The following KERA variants were observed in gnomAD, a reference collection of about 807,000 sequenced individuals.
The protein encoded by KERA is keratocan.
In KERA, 25 loss-of-function variants were observed where a neutral mutation model predicts 26.4. The ratio of observed to expected loss-of-function variants is 0.95; its 90% CI spans 0.69 to 1.32. The LOEUF (loss-of-function observed/expected upper bound fraction) is 1.32, where lower values mean the gene tolerates loss of function less well. Among genes scored for constraint, KERA ranks in the 40% most tolerant of loss-of-function variants. KERA has a pLI of 0.00. For missense variants in KERA, 434 were observed against 408.9 expected, an observed-to-expected ratio of 1.06 and a Z score of -0.53; for synonymous variants, 167 against 146.1, an observed-to-expected ratio of 1.14 and a Z score of -1.03.
chr12:91,051,106 G>A lies in KERA; in HGVS notation c.*240C>T, dbSNP rs1878853374. The A allele has an allele frequency of 3.2e-5, 15 of 468,748 alleles. No homozygotes were observed. The highest frequency in any genetic ancestry group is 1.7e-4 in the Admixed American group (5 of 30,154). 29.0% of individuals were successfully genotyped at this position (468,748 alleles called of 1,614,324 possible). A position where few individuals can be genotyped will look rare whatever the true frequency, so the allele number is the denominator to read the frequency against. On this transcript the variant is annotated 3_prime_UTR_variant, in exon 3 of 3. Transcript: ENST00000266719. ...GAGACCAAAATAAAACTATCTTTGA[G>A]TTGATAAACTATCTTAACTCTGTGT... is the stretch of plus-strand genomic sequence containing the variant.
chr12:91,051,580 A>G, intron 2 of KERA, 62 bp from the exon 3 acceptor site: 8 of 1,215,238 alleles, frequency 6.6e-6, no homozygotes, highest in Non-Finnish European at 9.7e-6. Context: ...CAGTGGGAAG[A>G]CCAAAAAACT....
rs1467879210 is a variant in KERA, at chr12:91,055,972, T to A, written c.310A>T (p.Lys104Ter). The A allele has an allele frequency of 4.3e-6, 7 of 1,610,984 alleles. No individual in the cohort carries two copies. The highest frequency in any genetic ancestry group is 1.3e-5 in the African/African-American group (1 of 74,648). ...ATQLRWINLN[K>*]NKITNYGIEK... is the part of the protein sequence containing the mutation. Reference sequence around the variant, plus strand: ...ATTCCGTAGTTGGTTATTTTGTTCTTGTTTAGATTTATCCATCTTAGCTGG... The same window carrying A: ...ATTCCGTAGTTGGTTATTTTGTTCTAGTTTAGATTTATCCATCTTAGCTGG... The change falls in exon 2 of 3, where the codon AAG (lysine) becomes TAG (stop). Residue 104 changes from lysine (K) to a stop codon, truncating the protein, a stop_gained. Transcript: ENST00000266719. LOFTEE classifies it high-confidence loss of function.
At position 91,056,081 on chromosome 12, in the gene KERA, A is replaced by G. The variant is rs755097045; in HGVS notation, c.201T>C (p.Pro67=). Residue 67 remains proline, a synonymous_variant, in exon 2 of 3, where the codon CCT becomes CCC. Transcript: ENST00000266719. The part of the protein sequence containing the change: ...YCENRGLKEI[P]AIPSRIWYLY... ...GATACCAAATTCTTGAAGGAATAGC[A>G]GGAATTTCTTTGAGACCTCTATTTT... The G allele has an allele frequency of 3.7e-6, 6 of 1,608,804 alleles. No individual in the cohort carries two copies. Among genetic ancestry groups the G allele is most frequent in the African/African-American group, 1.3e-5 (1 of 74,566 alleles).
At chr12:91,054,215 A>G (rs1359130210) in intron 2 of KERA, among the ~76,000 whole-genome samples, 1 of 151,426 alleles carries the variant, frequency 6.6e-6, no homozygotes, top group East Asian at 1.9e-4. Flanking sequence ...TAAATAACTG[A>G]GCAGTTCCCA....
chr12:91,051,772 T>C (rs1920771), intron 2 of KERA, among the ~76,000 whole-genome samples: 16,759 of 151,638 alleles, frequency 0.11, 1,900 homozygotes, highest in African/African-American at 0.29. Flanking sequence ...GGAAATACTG[T>C]TAAGATCTGT....
rs1432401037 is a variant in KERA, at chr12:91,051,496, A to G, written c.909T>C (p.Cys303=). ...KIKSVNVSVI[C]PSPSMLPAER... ...CTGCAGGCAGCATGGATGGGCTGGG[A>G]CATATTACAGAGACATTCACACCTA... The change falls in exon 3 of 3, where the codon TGT becomes TGC. Residue 303 remains cysteine (C), a synonymous_variant. Coordinates refer to ENST00000266719, the MANE Select transcript of KERA (RefSeq NM_007035.4). 1.9e-6 allele frequency: 3 copies of G among 1,610,052 alleles called. No individual in the cohort carries two copies. Among genetic ancestry groups the G allele is most frequent in the Non-Finnish European group, 2.5e-6 (3 of 1,177,056 alleles).
chr12:91,055,960 T>C lies in KERA; in HGVS notation c.322A>G (p.Thr108Ala), dbSNP rs1215515911. ...GCTCCTTTTTCAATTCCGTAGTTGG[T>C]TATTTTGTTCTTGTTTAGATTTATC... is the stretch of plus-strand genomic sequence containing the variant. ...RWINLNKNKI[T>A]NYGIEKGALS... The change falls in exon 2 of 3, where the codon ACC becomes GCC. Residue 108 changes from threonine to alanine, a missense_variant. Coordinates refer to ENST00000266719, the MANE Select transcript of KERA (RefSeq NM_007035.4). The C allele has an allele frequency of 6.2e-6, 10 of 1,610,980 alleles. No individual in the cohort carries two copies. Among genetic ancestry groups the C allele is most frequent in the Non-Finnish European group, 7.6e-6 (9 of 1,178,168 alleles).
intron 2 of KERA, among the ~76,000 whole-genome samples, chr12:91,055,091 C>T (rs1878957799): frequency 6.6e-6 from 1 of 150,946 alleles, no homozygotes; most frequent in Non-Finnish European, 1.5e-5. Flanking sequence ...CCCAATGGGG[C>T]AGAAATATTG....
chr12:91,057,045 TAGAG>T (rs1879026740), intron 1 of KERA, among the ~76,000 whole-genome samples: 1 of 150,698 alleles, frequency 6.6e-6, no homozygotes, highest in African/African-American at 2.4e-5. Context: ...TATGTATATA[TAGAG>T]ATAGAGTTTA....
Position 91,055,485 on chromosome 12 carries a change from T to C in KERA, c.797A>G (p.Asp266Gly), listed in dbSNP as rs140037106. The change falls in exon 2 of 3, where the codon GAT becomes GGT. Residue 266 changes from aspartate to glycine, a missense_variant. By Grantham distance (94) the Asp-to-Gly change is moderately conservative (BLOSUM62 -1). Transcript: ENST00000266719. Reference protein sequence around the residue: ...SRGFDVSSILDLQLSHNQLTK... With the variant: ...SRGFDVSSILGLQLSHNQLTK... The stretch of plus-strand genomic sequence containing the variant: ...GAGTTGATTGTGCGACAGTTGAAGA[T>C]CTAGAATTGATGATACATCAAATCC... 46 of 1,610,242 alleles carry C rather than the reference T, an allele frequency of 2.9e-5. No homozygotes were observed. The Middle Eastern group carries it at 8.3e-4, about 29-fold the overall frequency.
At chr12:91,052,599 C>CT (rs1324364401) in intron 2 of KERA, among the ~76,000 whole-genome samples, 4 of 151,460 alleles carry the variant, frequency 2.6e-5, no homozygotes, top group Admixed American at 6.6e-5. Context: ...ATCAGGTTCT[C>CT]TTTTTTTACA....
chr12:91,055,158 C>A (rs1878959896), intron 2 of KERA, among the ~76,000 whole-genome samples: 2 of 151,046 alleles, frequency 1.3e-5, no homozygotes, highest in South Asian at 2.1e-4. Context: ...GGATAATAGT[C>A]CTCTGTAGAT....
In KERA at chr12:91,051,483, T is replaced by A; in HGVS notation, c.922A>T (p.Met308Leu). ...NVSVICPSPS[M>L]LPAERDSFSY... ...AAGGAATCTCGTTCTGCAGGCAGCA[T>A]GGATGGGCTGGGACATATTACAGAG... The change falls in exon 3 of 3, where the codon ATG becomes TTG. Residue 308 changes from methionine (M) to leucine (L), a missense_variant. By Grantham distance (15) the Met-to-Leu change is conservative (BLOSUM62 2). Coordinates refer to ENST00000266719, the MANE Select transcript of KERA (RefSeq NM_007035.4). The A allele has an allele frequency of 1.9e-6, 3 of 1,610,626 alleles. No individual in the cohort carries two copies. The highest frequency in any genetic ancestry group is 2.5e-6 in the Non-Finnish European group (3 of 1,177,586).
Position 91,051,181 on chromosome 12 carries a change from G to A in KERA, c.*165C>T. 7.9e-6 allele frequency: 5 copies of A among 628,940 alleles called. No individual in the cohort carries two copies. The highest frequency in any genetic ancestry group is 2.8e-5 in the East Asian group (1 of 35,606). The allele number at this position is 628,940 out of a possible 1,614,324, so 39.0% of individuals were successfully genotyped here. ...CAAATTAATGCAGGCTGTGATGCAT[G>A]TAACTGGCAAAAGCATCTTTGAATA... On this transcript the variant is annotated 3_prime_UTR_variant, in exon 3 of 3. Coordinates refer to ENST00000266719, the MANE Select transcript of KERA (RefSeq NM_007035.4).
In KERA at chr12:91,055,819, A is replaced by G; in HGVS notation, c.463T>C (p.Ser155Pro). 1 of 1,611,324 alleles carries G rather than the reference A, an allele frequency of 6.2e-7. No individual in the cohort carries two copies. Residue 155 changes from serine (S) to proline (P), a missense_variant, in exon 2 of 3, where the codon TCC (serine) becomes CCC (proline). Ser to Pro is a moderately conservative substitution (Grantham distance 74). Coordinates refer to ENST00000266719, the MANE Select transcript of KERA (RefSeq NM_007035.4). Reference sequence around the variant, plus strand: ...CTAAAGGTCCCTTGAGGAATTCTGGACACCTTATTTCTAGCTAATTGTAAT... The same window carrying G: ...CTAAAGGTCCCTTGAGGAATTCTGGGCACCTTATTTCTAGCTAATTGTAAT... ...EQLQLARNKVSRIPQGTFSNL... is the reference protein window; with the variant it reads ...EQLQLARNKVPRIPQGTFSNL...
chr12:91,055,354 C>A, intron 2 of KERA, 42 bp downstream of exon 2: 1 of 1,533,958 alleles, frequency 6.5e-7, no homozygotes, highest in Non-Finnish European at 9.0e-7. Context: ...ATTTAATGAC[C>A]ATGAGCCCTT....
At chr12:91,053,167 A>T (rs1878907683) in intron 2 of KERA, among the ~76,000 whole-genome samples, 1 of 151,416 alleles carries the variant, frequency 6.6e-6, no homozygotes, top group Non-Finnish European at 1.5e-5. Flanking sequence ...CAGTTTTGAC[A>T]CAGTGTGATA....
intron 1 of KERA, among the ~76,000 whole-genome samples, chr12:91,056,643 T>A (rs1388387208): frequency 6.6e-6 from 1 of 151,214 alleles, no homozygotes; most frequent in Non-Finnish European, 1.5e-5. Context: ...TACAAAAAAG[T>A]GATCTTTTAA....
At chr12:91,051,963 A>T (rs778094258) in intron 2 of KERA, among the ~76,000 whole-genome samples, 1 of 151,502 alleles carries the variant, frequency 6.6e-6, no homozygotes, top group Non-Finnish European at 1.5e-5. Context: ...TGGATCCTGG[A>T]TGGGTAAGTA....
Sources: gnomAD v4.1 joint callset for allele counts (sites outside exome capture counted in the v4.1 genomes callset) on GRCh38, gnomAD v4.1.1 for gene constraint, MANE v1.5 for transcripts, NCBI Gene and HGNC (gene_info 2026-07-23, HGNC 2026-07-21) for gene names.